STXBP6: variants seen among roughly 807,000 people sequenced by gnomAD.
STXBP6 encodes syntaxin-binding protein 6.
Under a neutral mutation model 26.9 loss-of-function variants are expected in STXBP6, and 21 were observed. The ratio of observed to expected loss-of-function variants is 0.78; its 90% CI spans 0.55 to 1.12. The LOEUF (loss-of-function observed/expected upper bound fraction) is 1.12. Ranked by LOEUF, STXBP6 falls within the 50% of genes most tolerant of loss-of-function variation. STXBP6 has a pLI of 0.00. For synonymous variants in STXBP6, 97 were observed against 92.6 expected (o/e 1.05, Z -0.27); for missense variants, 232 against 257.9 (o/e 0.90, Z 0.69).
intron 1 of STXBP6, among the ~76,000 whole-genome samples, chr14:24,992,365 A>C (rs966151693): frequency 5.3e-5 from 8 of 152,070 alleles, no homozygotes; most frequent in African/African-American, 1.9e-4. Context: ...CACAGTCTAC[A>C]CTCCACATGG....
At chr14:24,959,649 G>C (rs1432764754) in intron 2 of STXBP6, among the ~76,000 whole-genome samples, 1 of 152,154 alleles carries the variant, frequency 6.6e-6, no homozygotes, top group Non-Finnish European at 1.5e-5. Flanking sequence ...AAAAGGGTTG[G>C]CATAGCAGTG....
chr14:24,977,111 G>A (rs1025818202), intron 1 of STXBP6, among the ~76,000 whole-genome samples: 3 of 150,272 alleles, frequency 2.0e-5, no homozygotes, highest in Admixed American at 1.3e-4. Flanking sequence ...TGATGCACCC[G>A]CCTCGGCCTC....
At chr14:25,029,819 C>T (rs1335601701) in intron 1 of STXBP6, among the ~76,000 whole-genome samples, 1 of 152,128 alleles carries the variant, frequency 6.6e-6, no homozygotes, top group African/African-American at 2.4e-5. Flanking sequence ...CACCTGGACA[C>T]TCATTTGGTA....
chr14:24,842,358 A>G (rs1194737786), intron 4 of STXBP6, among the ~76,000 whole-genome samples: 1 of 152,206 alleles, frequency 6.6e-6, no homozygotes, highest in African/African-American at 2.4e-5. Context: ...ATGGAATTCA[A>G]ACTTCTTCCT....
At chr14:24,909,422 G>T (rs926424808) in intron 2 of STXBP6, among the ~76,000 whole-genome samples, 1 of 152,126 alleles carries the variant, frequency 6.6e-6, no homozygotes, top group African/African-American at 2.4e-5. Flanking sequence ...ACTGCAATTT[G>T]GTCAAAGAAT....
At chr14:24,947,000 G>C (rs557121943) in intron 2 of STXBP6, among the ~76,000 whole-genome samples, 2 of 152,206 alleles carry the variant, frequency 1.3e-5, no homozygotes, top group South Asian at 4.1e-4. Context: ...CATAGCATGA[G>C]TTACTAAAAA....
chr14:25,050,039 T>G lies in STXBP6; in HGVS notation c.-194A>C. 1 of 226,850 alleles carries G rather than the reference T, an allele frequency of 4.4e-6. No individual in the cohort carries two copies. The highest frequency in any genetic ancestry group is 7.3e-6 in the Non-Finnish European group (1 of 136,918). 14.1% of individuals were successfully genotyped at this position (226,850 alleles called of 1,614,324 possible). On this transcript the variant is annotated 5_prime_UTR_variant, in exon 1 of 6. Coordinates refer to ENST00000323944, the MANE Select transcript of STXBP6 (RefSeq NM_001394410.1). ...CGCCGCTCGCGGCTCCCGCGCCGGC[T>G]CCTGCTGCCGCGCGCGAAAAGGGAG... is the stretch of plus-strand genomic sequence containing the variant.
rs113620154 is a variant in STXBP6, at chr14:24,818,151, G to A, written c.609+886C>T. ...AAGGGCCAGATCATAAGCCTGACAT[G>A]CCAACACAAGTCATCAGCAGATGTT... On this transcript the variant is annotated intron_variant, in intron 5 of 5. Transcript: ENST00000323944. 6.6e-3 allele frequency: 2,994 copies of A among 456,588 alleles called. 86 individuals are homozygous for A. The highest frequency in any genetic ancestry group is 0.054 in the African/African-American group (2,709 of 50,152). The allele number at this position is 456,588 out of a possible 1,614,324, so 28.3% of individuals were successfully genotyped here.
chr14:25,044,903 CAA>C (rs1293322210), intron 1 of STXBP6, among the ~76,000 whole-genome samples: 1 of 152,232 alleles, frequency 6.6e-6, no homozygotes, highest in East Asian at 1.9e-4. Flanking sequence ...CCTTATCTAT[CAA>C]AGAGTGCTAC....
chr14:25,007,950 T>C (rs182345679), intron 1 of STXBP6, among the ~76,000 whole-genome samples: 20 of 152,206 alleles, frequency 1.3e-4, no homozygotes, highest in Admixed American at 3.9e-4. Flanking sequence ...TTCTGCTAAG[T>C]TTTCACCTAA....
At chr14:24,853,222 AC>A (rs1053292451) in intron 4 of STXBP6, among the ~76,000 whole-genome samples, 1 of 152,222 alleles carries the variant, frequency 6.6e-6, no homozygotes, top group African/African-American at 2.4e-5. Context: ...TGTGGAAGAT[AC>A]CCAAAAGTTA....
intron 2 of STXBP6, among the ~76,000 whole-genome samples, chr14:24,957,693 A>G (rs8012205): frequency 0.54 from 81,793 of 152,052 alleles, 22,634 homozygotes; most frequent in African/African-American, 0.68. Context: ...TCCTCACACT[A>G]GCCCTCTAAG....
intron 2 of STXBP6, among the ~76,000 whole-genome samples, chr14:24,946,260 G>A (rs2072987191): frequency 6.6e-6 from 1 of 152,090 alleles, no homozygotes. Context: ...ACCCTACAAA[G>A]TAAATATAAC....
chr14:24,891,677 T>C (rs1204153002), intron 2 of STXBP6, among the ~76,000 whole-genome samples: 1 of 152,222 alleles, frequency 6.6e-6, no homozygotes, highest in Non-Finnish European at 1.5e-5. Context: ...CTTTATATCT[T>C]AGAAAAGTTT....
At chr14:24,860,909 A>C (rs906616063) in intron 2 of STXBP6, among the ~76,000 whole-genome samples, 15 of 147,018 alleles carry the variant, frequency 1.0e-4, no homozygotes, top group African/African-American at 3.7e-4. Context: ...CAATCAGTAT[A>C]TACCACCTCT....
chr14:25,016,433 C>A (rs1426185980), intron 1 of STXBP6, among the ~76,000 whole-genome samples: 1 of 152,160 alleles, frequency 6.6e-6, no homozygotes, highest in Non-Finnish European at 1.5e-5. Flanking sequence ...TTACTGAGGT[C>A]CTAGGCAATC....
At chr14:24,976,457 T>A (rs1029611606) in intron 1 of STXBP6, among the ~76,000 whole-genome samples, 1 of 152,194 alleles carries the variant, frequency 6.6e-6, no homozygotes, top group African/African-American at 2.4e-5. Context: ...AAATTATAGA[T>A]CTAATACCCA....
chr14:24,957,364 C>T (rs967633308), intron 2 of STXBP6, among the ~76,000 whole-genome samples: 2 of 152,178 alleles, frequency 1.3e-5, no homozygotes, highest in East Asian at 1.9e-4. Context: ...GAATAGAACA[C>T]TTCAATCAAG....
At chr14:25,036,806 A>G (rs1299720956) in intron 1 of STXBP6, among the ~76,000 whole-genome samples, 1 of 149,786 alleles carries the variant, frequency 6.7e-6, no homozygotes, top group Non-Finnish European at 1.5e-5. Context: ...CAGTGAGCCA[A>G]GATGGCGCCA....
Sources: allele counts gnomAD v4.1 joint callset (sites outside exome capture counted in the v4.1 genomes callset), GRCh38; gene constraint gnomAD v4.1.1; transcripts MANE v1.5; gene names NCBI Gene and HGNC (gene_info 2026-07-23, HGNC 2026-07-21).